Variants in COL22A1 observed in about 807,000 individuals in gnomAD.
COL22A1 encodes the protein collagen type XXII alpha 1 chain, also known as collagen alpha-1(XXII) chain.
COL22A1 carries 221 observed loss-of-function variants against 248.9 expected under a neutral mutation model. The ratio of observed to expected loss-of-function variants is 0.89; its 90% CI spans 0.80 to 0.99. The LOEUF is 0.99. COL22A1 is among the 50% of genes least tolerant of loss of function. The pLI is 0.00. For synonymous variants in COL22A1, 891 were observed against 793.4 expected, an observed-to-expected ratio of 1.12 and a Z score of -2.07; for missense variants, 2,240 against 2,179.0, an observed-to-expected ratio of 1.03 and a Z score of -0.56.
intron 39 of COL22A1, among the ~76,000 whole-genome samples, chr8:138,682,802 C>T (rs569361462): frequency 6.6e-5 from 10 of 152,272 alleles, no homozygotes; most frequent in Non-Finnish European, 1.5e-4. Flanking sequence ...TGAGTTCAAG[C>T]GATTCTCCTG....
chr8:138,713,738 A>C (rs1829220660), intron 30 of COL22A1, among the ~76,000 whole-genome samples: 1 of 151,180 alleles, frequency 6.6e-6, no homozygotes, highest in South Asian at 2.1e-4. Flanking sequence ...TAGGGGGTTC[A>C]TGCAACTGCA....
rs145342563 is a variant in COL22A1 at position 138,645,190 on chromosome 8, T to C, written c.3501+1439A>G. 3.3e-3 allele frequency among the ~76,000 whole-genome samples: 501 copies of C among 152,308 alleles called. 4 individuals carry two copies. Among genetic ancestry groups the C allele is most frequent in the African/African-American group, 0.012 (483 of 41,576 alleles). ...ACCCCTGGGTGGAGATTTAAGATGCTAATGAGACATGTGACGTACGAACAA... is the reference window on the plus strand; with the variant it reads ...ACCCCTGGGTGGAGATTTAAGATGCCAATGAGACATGTGACGTACGAACAA... On this transcript the variant is annotated intron_variant, in intron 47 of 64. Coordinates refer to ENST00000303045, the MANE Select transcript of COL22A1 (RefSeq NM_152888.3).
chr8:138,670,384 T>C (rs1824912140), intron 41 of COL22A1, among the ~76,000 whole-genome samples: 1 of 152,138 alleles, frequency 6.6e-6, no homozygotes, highest in South Asian at 2.1e-4. Flanking sequence ...AATCAAGCCC[T>C]GCACATTCCT....
At chr8:138,838,720 G>A (rs1478542755) in intron 4 of COL22A1, among the ~76,000 whole-genome samples, 1 of 151,072 alleles carries the variant, frequency 6.6e-6, no homozygotes, top group African/African-American at 2.4e-5. Flanking sequence ...CTGGGAAGGA[G>A]AATAAAAAAT....
chr8:138,630,626 G>A lies in COL22A1; in HGVS notation c.3663+69C>T, dbSNP rs904222512. 3.2e-5 allele frequency: 44 copies of A among 1,385,810 alleles called. No individual in the cohort carries two copies. In the African/African-American group the frequency reaches 5.9e-4, roughly 18 times the overall value. The allele number at this position is 1,385,810 out of a possible 1,614,324, so 85.8% of individuals were successfully genotyped here. On this transcript the variant is annotated intron_variant, in intron 50 of 64. Coordinates refer to ENST00000303045, the MANE Select transcript of COL22A1 (RefSeq NM_152888.3). The stretch of plus-strand genomic sequence containing the variant: ...GGCACACAGGACAAGAGCAGAATTG[G>A]CAAACACCTGGGGTTCCAGAAAGGC...
intron 49 of COL22A1, among the ~76,000 whole-genome samples, chr8:138,634,653 G>C (rs563057242): frequency 1.3e-5 from 2 of 152,152 alleles, no homozygotes; most frequent in Non-Finnish European, 2.9e-5. Context: ...CATGGGGAAA[G>C]CTGCTTACAA....
At chr8:138,682,333 G>A (rs940275048) in intron 39 of COL22A1, among the ~76,000 whole-genome samples, 1 of 152,120 alleles carries the variant, frequency 6.6e-6, no homozygotes, top group African/African-American at 2.4e-5. Context: ...GGATGATGAC[G>A]GAAGACATTG....
intron 4 of COL22A1, among the ~76,000 whole-genome samples, chr8:138,836,667 C>A (rs1820456490): frequency 1.3e-5 from 2 of 152,184 alleles, no homozygotes; most frequent in Non-Finnish European, 2.9e-5. Context: ...TCAGTCTCAT[C>A]TGTAAACTGG....
At chr8:138,689,364 A>G (rs1026254050) in intron 36 of COL22A1, among the ~76,000 whole-genome samples, 2 of 152,186 alleles carry the variant, frequency 1.3e-5, no homozygotes, top group East Asian at 1.9e-4. Flanking sequence ...GGAGTCCCCA[A>G]AAGGTTGACT....
At chr8:138,830,951 CTG>C (rs1285276278) in intron 5 of COL22A1, among the ~76,000 whole-genome samples, 1 of 152,190 alleles carries the variant, frequency 6.6e-6, no homozygotes, top group Non-Finnish European at 1.5e-5. Flanking sequence ...CAGCACCTGG[CTG>C]TGTGTGGAGA....
At chr8:138,781,308 T>C (rs1047053728) in intron 12 of COL22A1, among the ~76,000 whole-genome samples, 3 of 152,236 alleles carry the variant, frequency 2.0e-5, no homozygotes, top group Middle Eastern at 6.8e-3. Context: ...GGGCTTGGTC[T>C]CATATGTGTA....
At chr8:138,660,608 A>G in intron 43 of COL22A1, 128 bp from the exon 44 acceptor site, 4 of 772,240 alleles carry the variant, frequency 5.2e-6, no homozygotes, top group Admixed American at 2.3e-5. Flanking sequence ...TCATCAGACC[A>G]TGAGGATTGG....
At chr8:138,695,504 A>C (rs1459918282) in intron 32 of COL22A1, among the ~76,000 whole-genome samples, 1 of 151,824 alleles carries the variant, frequency 6.6e-6, no homozygotes, top group Non-Finnish European at 1.5e-5. Context: ...CCTGGCTCCA[A>C]CCCCTTTCTA....
intron 3 of COL22A1, among the ~76,000 whole-genome samples, chr8:138,853,600 T>C (rs941120631): frequency 1.3e-5 from 2 of 152,210 alleles, no homozygotes; most frequent in Non-Finnish European, 2.9e-5. Context: ...GACTGATTGT[T>C]ACCTGGTTCA....
chr8:138,846,619 G>T (rs1821262125), intron 3 of COL22A1, among the ~76,000 whole-genome samples: 1 of 151,960 alleles, frequency 6.6e-6, no homozygotes, highest in Admixed American at 6.5e-5. Flanking sequence ...CCTTCCTGGG[G>T]ATGGTGGGGT....
intron 22 of COL22A1, among the ~76,000 whole-genome samples, chr8:138,740,765 C>G (rs1412199443): frequency 6.6e-6 from 1 of 152,184 alleles, no homozygotes; most frequent in African/African-American, 2.4e-5. Context: ...AGAAAAGTGT[C>G]AGAGCAGGTC....
intron 39 of COL22A1, among the ~76,000 whole-genome samples, chr8:138,682,848 T>C (rs1056183399): frequency 3.3e-5 from 5 of 152,086 alleles, no homozygotes; most frequent in Non-Finnish European, 7.4e-5. Flanking sequence ...TACAGGCGCA[T>C]ACTACCACAC....
At chr8:138,899,206 A>G (rs1367792877) in intron 1 of COL22A1, among the ~76,000 whole-genome samples, 7 of 151,560 alleles carry the variant, frequency 4.6e-5, no homozygotes, top group Non-Finnish European at 4.4e-5. Context: ...TGTCCATTGT[A>G]TTGTCCAATC....
intron 49 of COL22A1, 152 bp from the exon 50 acceptor site, chr8:138,630,900 C>A: frequency 1.4e-6 from 1 of 728,056 alleles, no homozygotes; most frequent in South Asian, 1.6e-5. Context: ...TGTAGGTGGG[C>A]CCTGGTGGGA....
Sources: allele counts gnomAD v4.1 joint callset (sites outside exome capture counted in the v4.1 genomes callset), GRCh38; gene constraint gnomAD v4.1.1; transcripts MANE v1.5; gene names NCBI Gene and HGNC (gene_info 2026-07-23, HGNC 2026-07-21).